WARS2: variants seen among roughly 807,000 people sequenced by gnomAD.
The protein encoded by WARS2 is tryptophan--tRNA ligase, mitochondrial.
WARS2 carries 28 observed loss-of-function variants against 36.5 expected under a neutral mutation model. The ratio of observed to expected loss-of-function variants is 0.77; its 90% confidence interval spans 0.57 to 1.05. WARS2 has a LOEUF of 1.05. Among genes scored for constraint, WARS2 ranks in the 50% least tolerant of loss-of-function variants. The pLI, the probability that WARS2 is intolerant of heterozygous loss-of-function variation, is 0.00. For synonymous variants in WARS2, 174 were observed against 178.4 expected, an observed-to-expected ratio of 0.98 and a Z score of 0.20; for missense variants, 435 against 456.8, an observed-to-expected ratio of 0.95 and a Z score of 0.44.
chr1:119,115,063 T>C (rs1042699893), intron 1 of WARS2, among the ~76,000 whole-genome samples: 5 of 152,212 alleles, frequency 3.3e-5, no homozygotes, highest in Admixed American at 3.3e-4. Flanking sequence ...GCTGCCAGTA[T>C]GGTCATTAAC....
At chr1:119,057,685 G>C (rs1026140971) in intron 2 of WARS2, among the ~76,000 whole-genome samples, 2 of 151,796 alleles carry the variant, frequency 1.3e-5, no homozygotes, top group Non-Finnish European at 2.9e-5. Flanking sequence ...AGCTACTCTA[G>C]AGGCTGAGGC....
chr1:119,127,567 G>A (rs587774255), intron 1 of WARS2, among the ~76,000 whole-genome samples: 2 of 152,240 alleles, frequency 1.3e-5, no homozygotes, highest in Admixed American at 1.3e-4. Flanking sequence ...TGAATGCAAG[G>A]AGACAAATTG....
intron 1 of WARS2, among the ~76,000 whole-genome samples, chr1:119,106,343 A>G (rs917729386): frequency 3.9e-5 from 6 of 152,182 alleles, no homozygotes; most frequent in African/African-American, 1.4e-4. Flanking sequence ...AGTTTACACT[A>G]GGGTCTTCCC....
In WARS2 at chr1:119,139,075, G is replaced by C. The variant is rs900999699; in HGVS notation, c.90+1480C>G. 3.3e-5 allele frequency among the ~76,000 whole-genome samples: 5 copies of C among 152,132 alleles called. No homozygotes were observed. In the East Asian group the frequency reaches 7.7e-4, roughly 24 times the overall value. On this transcript the variant is annotated intron_variant, in intron 1 of 5. Coordinates refer to ENST00000235521, the MANE Select transcript of WARS2 (RefSeq NM_015836.4). ...GGAATAAGGGGAAGTTTGGGTCTAC[G>C]GCTTAGCTACTTTGATAGCATAGGT... is the stretch of plus-strand genomic sequence containing the variant.
intron 1 of WARS2, among the ~76,000 whole-genome samples, chr1:119,095,768 C>T (rs866324827): frequency 6.6e-6 from 1 of 152,132 alleles, no homozygotes; most frequent in African/African-American, 2.4e-5. Context: ...ACATAGCTTC[C>T]TGTATGTCAT....
At chr1:119,113,062 A>G (rs1654749078) in intron 1 of WARS2, among the ~76,000 whole-genome samples, 1 of 152,216 alleles carries the variant, frequency 6.6e-6, no homozygotes, top group Non-Finnish European at 1.5e-5. Context: ...GTCCATGGTC[A>G]GTAGGTAGGG....
chr1:119,065,507 C>T (rs1164151189), intron 2 of WARS2, among the ~76,000 whole-genome samples: 1 of 151,312 alleles, frequency 6.6e-6, no homozygotes, highest in Non-Finnish European at 1.5e-5. Context: ...TGGTGGTGGG[C>T]GCCAGTAATC....
chr1:119,110,833 A>G (rs1477973930), intron 1 of WARS2, among the ~76,000 whole-genome samples: 1 of 151,502 alleles, frequency 6.6e-6, no homozygotes, highest in Non-Finnish European at 1.5e-5. Flanking sequence ...TTTCTTGTTT[A>G]TCTTTTATTT....
intron 1 of WARS2, among the ~76,000 whole-genome samples, chr1:119,105,768 C>T (rs587662115): frequency 6.6e-6 from 1 of 152,110 alleles, no homozygotes; most frequent in East Asian, 1.9e-4. Flanking sequence ...AAAAATTAGC[C>T]GGTGTGGTAA....
intron 1 of WARS2, among the ~76,000 whole-genome samples, chr1:119,094,614 T>C (rs1041683909): frequency 1.8e-4 from 28 of 152,178 alleles, no homozygotes; most frequent in African/African-American, 5.1e-4. Flanking sequence ...TATATACAGA[T>C]ACCAAAAAGG....
Position 119,076,531 on chromosome 1 carries a change from A to T in WARS2, c.167T>A (p.Ile56Asn). The T allele has an allele frequency of 1.2e-6, 2 of 1,614,178 alleles. No individual in the cohort carries two copies. Among genetic ancestry groups the T allele is most frequent in the Non-Finnish European group, 1.7e-6 (2 of 1,180,016 alleles). Residue 56 changes from isoleucine (I) to asparagine (N), a missense_variant, in exon 2 of 6, where the codon ATT becomes AAT. Ile to Asn is a moderately radical substitution (Grantham distance 149, BLOSUM62 -3). Coordinates refer to ENST00000235521, the MANE Select transcript of WARS2 (RefSeq NM_015836.4). ...ATCCTGTAACCTCACCCAGCTCTCA[A>T]TGGCTCCCAGGTAATTGCCCAGGTG... Reference protein sequence around the residue: ...ILHLGNYLGAIESWVRLQDEY... With the variant: ...ILHLGNYLGANESWVRLQDEY...
chr1:119,112,965 G>A (rs1039722364), intron 1 of WARS2, among the ~76,000 whole-genome samples: 17 of 152,174 alleles, frequency 1.1e-4, no homozygotes, highest in Admixed American at 4.6e-4. Context: ...ATGACTGACC[G>A]TAAGGAATAG....
intron 2 of WARS2, among the ~76,000 whole-genome samples, chr1:119,068,086 G>C (rs1253721654): frequency 6.6e-6 from 1 of 152,134 alleles, no homozygotes; most frequent in Non-Finnish European, 1.5e-5. Flanking sequence ...TAGGAACTTT[G>C]GAGGTGATGC....
intron 1 of WARS2, among the ~76,000 whole-genome samples, chr1:119,130,397 C>T (rs1656015197): frequency 6.6e-6 from 1 of 152,084 alleles, no homozygotes; most frequent in African/African-American, 2.4e-5. Context: ...AAAGAGGTGG[C>T]AAATCCTAGT....
intron 4 of WARS2, among the ~76,000 whole-genome samples, chr1:119,035,942 AC>A (rs1647847096): frequency 6.6e-6 from 1 of 152,194 alleles, no homozygotes; most frequent in African/African-American, 2.4e-5. Flanking sequence ...GCATTGGCTC[AC>A]GCTTGTAATG....
At chr1:119,085,483 GCTT>G in intron 1 of WARS2, 1 of 1,562,410 alleles carries the variant, frequency 6.4e-7, no homozygotes, top group African/African-American at 1.4e-5. Context: ...CTTTTTTTGC[GCTT>G]TTTTGTTGGT....
At chr1:119,086,038 C>A in intron 1 of WARS2, 1 of 1,411,538 alleles carries the variant, frequency 7.1e-7, no homozygotes, top group Non-Finnish European at 9.7e-7. Context: ...TTTTAAATTT[C>A]TCGTAGAGGC....
At chr1:119,120,174 GAAGA>G (rs1423627205) in intron 1 of WARS2, among the ~76,000 whole-genome samples, 1 of 151,752 alleles carries the variant, frequency 6.6e-6, no homozygotes, top group Non-Finnish European at 1.5e-5. Flanking sequence ...GATTAACCAA[GAAGA>G]AAGAAGATCC....
chr1:119,121,244 C>T (rs996193890), intron 1 of WARS2, among the ~76,000 whole-genome samples: 1 of 151,932 alleles, frequency 6.6e-6, no homozygotes, highest in African/African-American at 2.4e-5. Flanking sequence ...TGCTATACAC[C>T]AATAGCAATC....
Sources: gnomAD v4.1 joint callset for allele counts (sites outside exome capture counted in the v4.1 genomes callset) on GRCh38, gnomAD v4.1.1 for gene constraint, MANE v1.5 for transcripts, NCBI Gene and HGNC (gene_info 2026-07-23, HGNC 2026-07-21) for gene names.